Variants in SUCLG1 observed in about 807,000 individuals in gnomAD.
SUCLG1 encodes the protein succinate--CoA ligase [ADP/GDP-forming] subunit alpha, mitochondrial.
In SUCLG1, 26 loss-of-function variants were observed where a neutral mutation model predicts 37.3. The observed-to-expected ratio is 0.70, with a 90% confidence interval of 0.51 to 0.97. The LOEUF is 0.97. Ranked by LOEUF, SUCLG1 falls within the 50% of genes least tolerant of loss-of-function variation. The pLI, the probability that SUCLG1 is intolerant of heterozygous loss-of-function variation, is 0.00. For synonymous variants in SUCLG1, 163 were observed against 155.6 expected (o/e 1.05, Z -0.36); for missense variants, 433 against 432.9 (o/e 1.00, Z 0.00).
intron 2 of SUCLG1, among the ~76,000 whole-genome samples, chr2:84,444,725 A>G (rs1672824150): frequency 6.6e-6 from 1 of 152,142 alleles, no homozygotes; most frequent in South Asian, 2.1e-4. Flanking sequence ...TCATCCCTAC[A>G]GCTGCAACCA....
At chr2:84,446,463 A>T (rs1672853980) in intron 2 of SUCLG1, among the ~76,000 whole-genome samples, 1 of 152,238 alleles carries the variant, frequency 6.6e-6, no homozygotes, top group African/African-American at 2.4e-5. Context: ...CTGTTAAAGG[A>T]ATAAAAATCA....
chr2:84,431,542 T>C lies in SUCLG1; in HGVS notation c.791A>G (p.Glu264Gly), dbSNP rs113220946. 2 of 1,614,064 alleles carry C rather than the reference T, an allele frequency of 1.2e-6. No individual in the cohort carries two copies. Among genetic ancestry groups the C allele is most frequent in the Non-Finnish European group, 1.7e-6 (2 of 1,179,934 alleles). ...TTGCTTCAAAAATTCTGCAGCATTC[T>C]CTTCTGCATTACCACCAATTTCACC... is the stretch of plus-strand genomic sequence containing the variant. ...LIGEIGGNAE[E>G]NAAEFLKQHN... The change falls in exon 7 of 9, where the codon GAG (glutamate) becomes GGG (glycine). Residue 264 changes from glutamate (E) to glycine (G), a missense_variant. Physicochemically the swap from Glu to Gly is moderately conservative, Grantham distance 98. Transcript: ENST00000393868.
At position 84,449,756 on chromosome 2, in the gene SUCLG1, A is replaced by C; in HGVS notation, c.98-4T>G. On this transcript the variant is annotated splice_polypyrimidine_tract_variant and splice_region_variant and intron_variant, in intron 1 of 8. Coordinates refer to ENST00000393868, the MANE Select transcript of SUCLG1 (RefSeq NM_003849.4). The stretch of plus-strand genomic sequence containing the variant: ...TGCCGAATTCCATTCTGCGGCACTA[A>C]GAGGTTAAAAAAAAAAAAAAAAAAA... 1.5e-6 allele frequency: 2 copies of C among 1,335,994 alleles called. No individual in the cohort carries two copies. Among genetic ancestry groups the C allele is most frequent in the Non-Finnish European group, 2.0e-6 (2 of 984,214 alleles). The allele number at this position is 1,335,994 out of a possible 1,614,324, so 82.8% of individuals were successfully genotyped here.
chr2:84,457,414 T>G (rs1245772791), intron 1 of SUCLG1, among the ~76,000 whole-genome samples: 1 of 152,146 alleles, frequency 6.6e-6, no homozygotes, highest in African/African-American at 2.4e-5. Context: ...CCCACTCCAG[T>G]AACAAAACTA....
chr2:84,436,774 G>A (rs1315585303), intron 5 of SUCLG1, among the ~76,000 whole-genome samples: 2 of 152,192 alleles, frequency 1.3e-5, no homozygotes, highest in Non-Finnish European at 2.9e-5. Flanking sequence ...CACCAATGGT[G>A]CTTGAGATTC....
chr2:84,433,534 T>A, intron 5 of SUCLG1, 99 bp from the exon 6 acceptor site: 1 of 944,574 alleles, frequency 1.1e-6, no homozygotes, highest in Non-Finnish European at 1.7e-6. Context: ...CTAACATAGG[T>A]ATAAAATTCA....
intron 5 of SUCLG1, among the ~76,000 whole-genome samples, chr2:84,436,700 C>A (rs2045675): frequency 6.6e-6 from 1 of 152,076 alleles, no homozygotes. Flanking sequence ...TTTGAATATC[C>A]TGACCACACA....
chr2:84,445,042 G>A lies in SUCLG1; in HGVS notation c.202-1642C>T, dbSNP rs1045524294. On this transcript the variant is annotated intron_variant, in intron 2 of 8. Coordinates refer to ENST00000393868, the MANE Select transcript of SUCLG1 (RefSeq NM_003849.4). Reference sequence around the variant, plus strand: ...TGCAATCATCACAGGGTCCTGAGGCGACATACATCCTCCTCAGCTCACAAA... The same window carrying A: ...TGCAATCATCACAGGGTCCTGAGGCAACATACATCCTCCTCAGCTCACAAA... Among the ~76,000 whole-genome samples, 42 of 152,040 alleles carry A rather than the reference G, an allele frequency of 2.8e-4. 1 individual carries two copies. Among genetic ancestry groups the A allele is most frequent in the African/African-American group, 1.5e-4 (6 of 41,362 alleles).
intron 2 of SUCLG1, chr2:84,448,966 G>A: frequency 2.5e-6 from 1 of 402,922 alleles, no homozygotes; most frequent in Non-Finnish European, 5.2e-6. Context: ...TAGAAAGGTA[G>A]GAAAAAGGAA....
intron 2 of SUCLG1, among the ~76,000 whole-genome samples, chr2:84,448,068 T>C (rs1672876128): frequency 6.6e-6 from 1 of 150,600 alleles, no homozygotes; most frequent in Non-Finnish European, 1.5e-5. Context: ...GTTTTATGGG[T>C]GTTTCATTTT....
intron 7 of SUCLG1, among the ~76,000 whole-genome samples, chr2:84,429,459 T>A (rs1337163656): frequency 1.3e-5 from 2 of 152,124 alleles, no homozygotes; most frequent in African/African-American, 4.8e-5. Flanking sequence ...CTTAACAATC[T>A]ACTCTTCCAT....
intron 1 of SUCLG1, among the ~76,000 whole-genome samples, chr2:84,455,491 T>C (rs957063161): frequency 1.1e-3 from 11 of 10,426 alleles, no homozygotes; most frequent in Non-Finnish European, 1.4e-3. Context: ...CAAAACTCTG[T>C]CTCAAAAAAA....
intron 5 of SUCLG1, among the ~76,000 whole-genome samples, chr2:84,439,072 T>C (rs1157191912): frequency 6.6e-6 from 1 of 152,118 alleles, no homozygotes; most frequent in Non-Finnish European, 1.5e-5. Flanking sequence ...CCATGCCACC[T>C]TTAAGAGCTG....
In SUCLG1 at chr2:84,437,356, C is replaced by G. The variant is rs181282613; in HGVS notation, c.589+3691G>C. Among the ~76,000 whole-genome samples, 91 of 152,266 alleles carry G rather than the reference C, an allele frequency of 6.0e-4. 1 individual carries two copies. The East Asian group carries it at 0.012, about 20-fold the overall frequency. On this transcript the variant is annotated intron_variant, in intron 5 of 8. Coordinates refer to ENST00000393868, the MANE Select transcript of SUCLG1 (RefSeq NM_003849.4). ...AAAAATGTAAACAATCCAATTAGAACATGGGCAAAACCCAAGGAGGGGCAT... is the reference window on the plus strand; with the variant it reads ...AAAAATGTAAACAATCCAATTAGAAGATGGGCAAAACCCAAGGAGGGGCAT...
At chr2:84,440,953 A>T in intron 5 of SUCLG1, 94 bp downstream of exon 5, 1 of 1,272,656 alleles carries the variant, frequency 7.9e-7, no homozygotes, top group Non-Finnish European at 1.1e-6. Context: ...CAAATTAATT[A>T]AACTTGATTT....
At chr2:84,428,731 G>A (rs1672572318) in intron 7 of SUCLG1, among the ~76,000 whole-genome samples, 1 of 152,162 alleles carries the variant, frequency 6.6e-6, no homozygotes. Context: ...TCTGAAAATA[G>A]GACACAAAAA....
intron 7 of SUCLG1, 120 bp from the exon 8 acceptor site, chr2:84,425,723 T>G (rs149226077): frequency 2.7e-4 from 303 of 1,126,248 alleles, no homozygotes; most frequent in Non-Finnish European, 1.8e-4. Flanking sequence ...CCACCATTCA[T>G]CTTAGGAAAA....
chr2:84,433,351 C>G lies in SUCLG1; in HGVS notation c.673+1G>C. ...AAATGATTTTAGCAAAAGTCCCTCA[C>G]CAACGCACAAAGACTGCCCCAATCC... On this transcript the variant is annotated splice_donor_variant, in intron 6 of 8. Transcript: ENST00000393868. LOFTEE classifies it high-confidence loss of function. The G allele has an allele frequency of 3.1e-6, 5 of 1,613,784 alleles. No individual in the cohort carries two copies. The highest frequency in any genetic ancestry group is 4.2e-6 in the Non-Finnish European group (5 of 1,179,752).
chr2:84,433,668 TA>T, intron 5 of SUCLG1: 1 of 541,946 alleles, frequency 1.8e-6, no homozygotes, highest in East Asian at 3.3e-5. Flanking sequence ...TAGTTAAGGT[TA>T]TTTTATGACT....
Sources: allele counts gnomAD v4.1 joint callset (sites outside exome capture counted in the v4.1 genomes callset), GRCh38; gene constraint gnomAD v4.1.1; transcripts MANE v1.5; gene names NCBI Gene and HGNC (gene_info 2026-07-23, HGNC 2026-07-21).